The following SLC16A2 variants were observed in gnomAD, a reference collection of about 807,000 sequenced individuals.
SLC16A2 encodes solute carrier family 16 member 2.
Under a neutral mutation model 27.2 loss-of-function variants are expected in SLC16A2, and 3 were observed. The ratio of observed to expected loss-of-function variants is 0.11; its 90% CI spans 0.05 to 0.28. SLC16A2 has a LOEUF of 0.28. Among genes scored for constraint, SLC16A2 ranks in the 10% least tolerant of loss-of-function variants. The pLI is 1.00. For missense variants in SLC16A2, 295 were observed against 458.5 expected (o/e 0.64, Z 3.26); for synonymous variants, 202 against 187.8 (o/e 1.08, Z -0.62).
At chrX:74,507,247 C>T (rs1930151616) in intron 1 of SLC16A2, among the ~76,000 whole-genome samples, 1 of 111,043 alleles carries the variant, frequency 9.0e-6, no homozygotes, top group South Asian at 3.8e-4. Flanking sequence ...TGAGCAACCG[C>T]GCCCAGCCTC....
At chrX:74,497,848 G>A (rs1364039126) in intron 1 of SLC16A2, among the ~76,000 whole-genome samples, 1 of 106,566 alleles carries the variant, frequency 9.4e-6, no homozygotes, top group African/African-American at 3.4e-5. Flanking sequence ...GTATGGGGGT[G>A]GGGGGGATGA....
In SLC16A2 at chrX:74,531,457, G is replaced by A. The variant is rs1930568225; in HGVS notation, c.1524G>A (p.Glu508=). The change falls in exon 6 of 6, where the codon GAG becomes GAA. Residue 508 remains glutamate (E), a synonymous_variant. Coordinates refer to ENST00000587091, the MANE Select transcript of SLC16A2 (RefSeq NM_006517.5). The part of the protein sequence containing the change: ...PLMHQRMFKK[E]QRDSSKDKML... ...TGCATCAAAGGATGTTCAAGAAAGA[G>A]CAGAGAGATTCCAGCAAGGATAAGA... 4 of 1,211,561 alleles carry A rather than the reference G, an allele frequency of 3.3e-6. 1 individual carries two copies. Among genetic ancestry groups the A allele is most frequent in the African/African-American group, 1.7e-5 (1 of 57,854 alleles).
At chrX:74,426,587 C>T (rs1237788142) in intron 1 of SLC16A2, among the ~76,000 whole-genome samples, 1 of 112,139 alleles carries the variant, frequency 8.9e-6, no homozygotes, top group Non-Finnish European at 1.9e-5. Context: ...GTGACTTAGA[C>T]AACTTGTGCC....
chrX:74,531,226 G>C, intron 5 of SLC16A2, 107 bp from the exon 6 acceptor site: 2 of 658,263 alleles, frequency 3.0e-6, no homozygotes, highest in Non-Finnish European at 5.0e-6. Flanking sequence ...GGCAATACAC[G>C]CCAAGATTAT....
chrX:74,436,625 C>A (rs970852287), intron 1 of SLC16A2, among the ~76,000 whole-genome samples: 16 of 111,968 alleles, frequency 1.4e-4, no homozygotes, highest in African/African-American at 4.9e-4. Context: ...TAGAACAGTG[C>A]CTGGCATATG....
rs145061343 is a variant in SLC16A2, at chrX:74,422,049, C to G, written c.412C>G (p.Gln138Glu). Residue 138 changes from glutamine to glutamate, a missense_variant, in exon 1 of 6, where the codon CAA (glutamine) becomes GAA (glutamate). Transcript: ENST00000587091. ...AGAGGAGGAAAAGGAAAAAAATCGCCAAGTGGAGTTCCAAGCAGGTGAGTG... is the reference window on the plus strand; with the variant it reads ...AGAGGAGGAAAAGGAAAAAAATCGCGAAGTGGAGTTCCAAGCAGGTGAGTG... The part of the protein sequence containing the change: ...LLEEEKEKNR[Q>E]VEFQAAWVGA... 6.2e-4 allele frequency: 744 copies of G among 1,208,073 alleles called. No individual in the cohort carries two copies. Among genetic ancestry groups the G allele is most frequent in the Non-Finnish European group, 7.5e-4 (671 of 894,647 alleles).
At chrX:74,449,886 C>T (rs1235807252) in intron 1 of SLC16A2, among the ~76,000 whole-genome samples, 1 of 111,589 alleles carries the variant, frequency 9.0e-6, no homozygotes, top group Non-Finnish European at 1.9e-5. Flanking sequence ...CTCCCATCAA[C>T]AAGCTTCCTT....
At chrX:74,488,227 TAG>T (rs1929758151) in intron 1 of SLC16A2, among the ~76,000 whole-genome samples, 1 of 111,516 alleles carries the variant, frequency 9.0e-6, no homozygotes, top group Non-Finnish European at 1.9e-5. Context: ...CATATAAAGA[TAG>T]AGATATAACA....
chrX:74,442,962 A>G (rs1403791828), intron 1 of SLC16A2, among the ~76,000 whole-genome samples: 1 of 111,954 alleles, frequency 8.9e-6, no homozygotes, highest in Admixed American at 9.5e-5. Context: ...GTCCAAAAAA[A>G]ATGACACTCC....
chrX:74,506,972 AC>A (rs1930146067), intron 1 of SLC16A2, among the ~76,000 whole-genome samples: 1 of 103,529 alleles, frequency 9.7e-6, no homozygotes, highest in African/African-American at 3.7e-5. Flanking sequence ...TCGCTTTGTC[AC>A]CCAGGCTGGA....
chrX:74,484,807 G>A (rs1929685760), intron 1 of SLC16A2, among the ~76,000 whole-genome samples: 2 of 112,396 alleles, frequency 1.8e-5, no homozygotes, highest in South Asian at 7.4e-4. Context: ...GGTCCATTCT[G>A]TCCCTTGGTG....
intron 1 of SLC16A2, among the ~76,000 whole-genome samples, chrX:74,439,059 C>T (rs893069049): frequency 2.7e-5 from 3 of 111,129 alleles, no homozygotes; most frequent in African/African-American, 6.6e-5. Context: ...AATTGGGCAG[C>T]GTGCCTAATG....
At chrX:74,435,515 A>ATATATATATGCATATATATG (rs56065857) in intron 1 of SLC16A2, among the ~76,000 whole-genome samples, 6 of 51,546 alleles carry the variant, frequency 1.2e-4, no homozygotes, top group South Asian at 1.3e-3. Context: ...GTATATGCAT[A>ATATATATATGCATATATATG]TATATATATG....
intron 1 of SLC16A2, among the ~76,000 whole-genome samples, chrX:74,446,022 G>A (rs149059279): frequency 0.013 from 1,473 of 111,501 alleles, 22 homozygotes; most frequent in African/African-American, 0.046. Context: ...CCCACAGGAA[G>A]CCTCCAAGCT....
intron 1 of SLC16A2, among the ~76,000 whole-genome samples, chrX:74,497,389 G>A (rs141749440): frequency 5.4e-5 from 6 of 111,074 alleles, no homozygotes; most frequent in African/African-American, 2.0e-4. Flanking sequence ...GTTTGAGGAT[G>A]TGCATGACCT....
intron 1 of SLC16A2, among the ~76,000 whole-genome samples, chrX:74,456,416 C>T (rs1929041870): frequency 9.0e-6 from 1 of 111,065 alleles, no homozygotes; most frequent in South Asian, 3.9e-4. Flanking sequence ...AATAAGAGAG[C>T]AGTTGAGGTG....
chrX:74,519,393 G>A (rs1233200811), intron 1 of SLC16A2, among the ~76,000 whole-genome samples: 1 of 104,931 alleles, frequency 9.5e-6, no homozygotes, highest in Non-Finnish European at 2.0e-5. Context: ...TAGCCAGGAT[G>A]GTCTCTATCT....
chrX:74,513,014 G>A (rs1930259171), intron 1 of SLC16A2, among the ~76,000 whole-genome samples: 1 of 111,447 alleles, frequency 9.0e-6, no homozygotes, highest in South Asian at 3.8e-4. Context: ...ACCGCTGAGA[G>A]GGGAAGGTTA....
At chrX:74,483,282 A>G (rs1486272663) in intron 1 of SLC16A2, among the ~76,000 whole-genome samples, 1 of 111,691 alleles carries the variant, frequency 9.0e-6, no homozygotes, top group East Asian at 2.8e-4. Context: ...ACCAGCTATT[A>G]GCCTCCACTT....
Sources: allele counts gnomAD v4.1 joint callset (sites outside exome capture counted in the v4.1 genomes callset), GRCh38; gene constraint gnomAD v4.1.1; transcripts MANE v1.5; gene names NCBI Gene and HGNC (gene_info 2026-07-23, HGNC 2026-07-21).